ABRAXAS2: variants seen among roughly 807,000 people sequenced by gnomAD.
ABRAXAS2 encodes BRISC complex subunit Abraxas 2.
In ABRAXAS2, 23 loss-of-function variants were observed where a neutral mutation model predicts 49.0. The observed-to-expected ratio is 0.47, with a 90% CI of 0.34 to 0.66. The LOEUF is 0.66. Among genes scored for constraint, ABRAXAS2 ranks in the 30% least tolerant of loss-of-function variants. ABRAXAS2 has a pLI of 0.01. For missense variants in ABRAXAS2, 443 were observed against 511.9 expected (o/e 0.87, Z 1.30); for synonymous variants, 168 against 180.2 (o/e 0.93, Z 0.54).
chr10:124,814,866 C>T (rs1015196267), intron 2 of ABRAXAS2: 1 of 151,548 alleles, frequency 6.6e-6, no homozygotes, highest in Admixed American at 6.6e-5. Context: ...AGGCTGGTCT[C>T]AAACTCCTGA....
rs772901929 is a variant in ABRAXAS2, at chr10:124,828,852, T to C, written c.555T>C (p.Tyr185=). ...VSSVPNTSQS[Y]AKVIKEHGTD... ...CAGTGCCAAATACTTCTCAGAGTTA[T>C]GCCAAAGTGATTAAAGAACATGGGT... is the stretch of plus-strand genomic sequence containing the variant. Residue 185 remains tyrosine, a synonymous_variant, in exon 6 of 9, where the codon TAT becomes TAC. Coordinates refer to ENST00000298492, the MANE Select transcript of ABRAXAS2 (RefSeq NM_032182.4). 115 of 1,613,866 alleles carry C rather than the reference T, an allele frequency of 7.1e-5. No individual in the cohort carries two copies. In the Admixed American group the frequency reaches 1.8e-3, roughly 25 times the overall value.
In ABRAXAS2 at chr10:124,817,300, A is replaced by C. The variant is rs535045602; in HGVS notation, c.200+688A>C. On this transcript the variant is annotated intron_variant, in intron 3 of 8. Transcript: ENST00000298492. The stretch of plus-strand genomic sequence containing the variant: ...CTAAAGGACAGAACGAAAAAGAAAT[A>C]AAGGGAGAAACGTTCGGAAAGGAGA... Among the ~76,000 whole-genome samples the C allele has an allele frequency of 8.5e-5, 13 of 152,310 alleles. No individual in the cohort carries two copies. The South Asian group carries it at 2.1e-3, about 24-fold the overall frequency.
intron 2 of ABRAXAS2, among the ~76,000 whole-genome samples, chr10:124,812,721 G>A (rs561008000): frequency 6.6e-6 from 1 of 152,226 alleles, no homozygotes; most frequent in Non-Finnish European, 1.5e-5. Flanking sequence ...TCAAACATTA[G>A]GAAAAGTGCA....
At position 124,819,016 on chromosome 10, in the gene ABRAXAS2, C is replaced by A. The variant is rs547579182; in HGVS notation, c.201-368C>A. The stretch of plus-strand genomic sequence containing the variant: ...TTCTTCCACATCCCACAAATGTTTA[C>A]TTCCCTTCTTCATTTCTCAGAAAAT... On this transcript the variant is annotated intron_variant, in intron 3 of 8. Transcript: ENST00000298492. Among the ~76,000 whole-genome samples, 26 of 152,296 alleles carry A rather than the reference C, an allele frequency of 1.7e-4. No individual in the cohort carries two copies. In the East Asian group the frequency reaches 5.0e-3, roughly 29 times the overall value.
At chr10:124,807,312 CAAAAAAAAAAA>C (rs764661303) in intron 2 of ABRAXAS2, among the ~76,000 whole-genome samples, 1 of 34,042 alleles carries the variant, frequency 2.9e-5, no homozygotes, top group South Asian at 1.0e-3. Flanking sequence ...GACTCTGTCT[CAAAAAAAAAAA>C]AAAAAAAAAA....
chr10:124,808,463 A>C (rs2134158958), intron 2 of ABRAXAS2, among the ~76,000 whole-genome samples: 1 of 152,242 alleles, frequency 6.6e-6, no homozygotes, highest in East Asian at 1.9e-4. Context: ...GGCGTGAGCC[A>C]CCGTGCCTGG....
At chr10:124,816,669 T>A in intron 3 of ABRAXAS2, 57 bp downstream of exon 3, 1 of 1,327,858 alleles carries the variant, frequency 7.5e-7, no homozygotes, top group Non-Finnish European at 1.1e-6. Flanking sequence ...TAAAAAAAAC[T>A]AGTGAATTTT....
chr10:124,819,405 A>C lies in ABRAXAS2; in HGVS notation c.222A>C (p.Lys74Asn), dbSNP rs911070599. The change falls in exon 4 of 9, where the codon AAA (lysine) becomes AAC (asparagine). Residue 74 changes from lysine (K) to asparagine (N), a missense_variant. Transcript: ENST00000298492. ...ACAGTTTTTATGACTACGCAAGCAA[A>C]GTGAATGAGGAGAGTTTGGACAGGA... ...KLFSFYDYAS[K>N]VNEESLDRIL... The C allele has an allele frequency of 6.2e-7, 1 of 1,613,986 alleles. No individual in the cohort carries two copies.
intron 3 of ABRAXAS2, among the ~76,000 whole-genome samples, chr10:124,817,272 C>T: frequency 6.6e-6 from 1 of 152,068 alleles, no homozygotes; most frequent in East Asian, 1.9e-4. Context: ...ATATTATGAC[C>T]AACTAAAGGA....
Position 124,819,547 on chromosome 10 carries a change from C to A in ABRAXAS2, c.267+97C>A. ...AATGTAAAATGGAACAATAAGATTT[C>A]ATGTTAATATGTAAAAGTTTTGTTA... On this transcript the variant is annotated intron_variant, in intron 4 of 8. Coordinates refer to ENST00000298492, the MANE Select transcript of ABRAXAS2 (RefSeq NM_032182.4). 3.5e-6 allele frequency: 4 copies of A among 1,147,916 alleles called. 1 individual carries two copies. Among genetic ancestry groups the A allele is most frequent in the Non-Finnish European group, 3.8e-6 (3 of 779,878 alleles). 71.1% of individuals were successfully genotyped at this position (1,147,916 alleles called of 1,614,324 possible). A position where few individuals can be genotyped will look rare whatever the true frequency, so the allele number is the denominator to read the frequency against.
In ABRAXAS2 at chr10:124,807,028, G is replaced by A. The variant is rs528170402; in HGVS notation, c.163+107G>A. 155 of 899,690 alleles carry A rather than the reference G, an allele frequency of 1.7e-4. No homozygotes were observed. In the African/African-American group the frequency reaches 2.3e-3, roughly 13 times the overall value. 55.7% of individuals were successfully genotyped at this position (899,690 alleles called of 1,614,324 possible). A position where few individuals can be genotyped will look rare whatever the true frequency, so the allele number is the denominator to read the frequency against. On this transcript the variant is annotated intron_variant, in intron 2 of 8. Transcript: ENST00000298492. ...GATTTTATCCTAAAGAATTCAAAGA[G>A]TATGCCAGGCGCGGTGGCTCACGCC... is the stretch of plus-strand genomic sequence containing the variant.
intron 1 of ABRAXAS2, among the ~76,000 whole-genome samples, chr10:124,803,473 C>G (rs999198706): frequency 6.6e-5 from 10 of 152,298 alleles, no homozygotes; most frequent in African/African-American, 2.2e-4. Context: ...CATTTGTAGA[C>G]CTGGGGCTAC....
rs748810930 is a variant in ABRAXAS2, at chr10:124,831,383, T to C, written c.698T>C (p.Val233Ala). ...VCADVEKSER[V>A]VESCQAEVNK... ...GCAGATGTTGAAAAGAGTGAGCGAG[T>C]TGTTGAATCTTGTCAGGCAGAAGTG... The change falls in exon 8 of 9, where the codon GTT (valine) becomes GCT (alanine). Residue 233 changes from valine (V) to alanine (A), a missense_variant. This residue lies in a region of ABRAXAS2 where 230 missense variants were observed against 237.0 expected (regional missense o/e 0.97). Transcript: ENST00000298492. The C allele has an allele frequency of 1.2e-6, 2 of 1,612,862 alleles. No homozygotes were observed. The highest frequency in any genetic ancestry group is 1.7e-6 in the Non-Finnish European group (2 of 1,179,270).
chr10:124,829,215 A>G (rs1200043959), intron 6 of ABRAXAS2, among the ~76,000 whole-genome samples, 178 bp from the exon 7 acceptor site: 3 of 152,252 alleles, frequency 2.0e-5, no homozygotes, highest in Non-Finnish European at 4.4e-5. Context: ...GATCTTGGTA[A>G]CATGGGTTTT....
chr10:124,812,260 C>T (rs543807093), intron 2 of ABRAXAS2, among the ~76,000 whole-genome samples: 1 of 152,044 alleles, frequency 6.6e-6, no homozygotes, highest in East Asian at 1.9e-4. Context: ...AACTTATTAG[C>T]GATGTTCAGT....
intron 8 of ABRAXAS2, among the ~76,000 whole-genome samples, chr10:124,831,840 G>A (rs971530908): frequency 9.4e-6 from 1 of 106,208 alleles, no homozygotes; most frequent in Non-Finnish European, 1.8e-5. Flanking sequence ...ACTGTGTCCT[G>A]TCTTTTTTTT....
At chr10:124,803,493 C>T (rs1289125621) in intron 1 of ABRAXAS2, among the ~76,000 whole-genome samples, 1 of 152,102 alleles carries the variant, frequency 6.6e-6, no homozygotes, top group Non-Finnish European at 1.5e-5. Flanking sequence ...CCATACTTTT[C>T]TGTACAGGGC....
Position 124,826,733 on chromosome 10 carries a change from G to T in ABRAXAS2, c.406G>T (p.Ala136Ser). 6.2e-7 allele frequency: 1 copy of T among 1,614,144 alleles called. No individual in the cohort carries two copies. Among genetic ancestry groups the T allele is most frequent in the Non-Finnish European group, 8.5e-7 (1 of 1,180,030 alleles). Residue 136 changes from alanine to serine, a missense_variant, in exon 5 of 9, where the codon GCC becomes TCC. Transcript: ENST00000298492. Reference sequence around the variant, plus strand: ...TCTTCTCTTCAGCTTCATCTCCACTGCCAACAATTCCACTCACGCTTTAGA... The same window carrying T: ...TCTTCTCTTCAGCTTCATCTCCACTTCCAACAATTCCACTCACGCTTTAGA... The part of the protein sequence containing the change: ...VFLLFSFIST[A>S]NNSTHALEYV...
chr10:124,809,083 A>G (rs1950767001), intron 2 of ABRAXAS2, among the ~76,000 whole-genome samples: 1 of 151,962 alleles, frequency 6.6e-6, no homozygotes, highest in South Asian at 2.1e-4. Context: ...GTGAGCTGAG[A>G]TTGTGCCATT....
Sources: gnomAD v4.1 joint callset for allele counts (sites outside exome capture counted in the v4.1 genomes callset) on GRCh38, gnomAD v4.1.1 for gene constraint, gnomAD v4.1.1 regional missense constraint, MANE v1.5 for transcripts, NCBI Gene and HGNC (gene_info 2026-07-23, HGNC 2026-07-21) for gene names.